The following SNTG2 variants were observed in gnomAD, a reference collection of about 807,000 sequenced individuals.
The protein encoded by SNTG2 is syntrophin gamma 2, also known as gamma-2-syntrophin.
SNTG2 carries 74 observed loss-of-function variants against 70.9 expected under a neutral mutation model. The observed-to-expected ratio is 1.04, with a 90% CI of 0.86 to 1.27. The LOEUF (loss-of-function observed/expected upper bound fraction) is 1.27. Among genes scored for constraint, SNTG2 ranks in the 50% most tolerant of loss-of-function variants. The pLI is 0.00. For missense variants in SNTG2, 717 were observed against 690.7 expected (o/e 1.04, Z -0.43); for synonymous variants, 278 against 273.8 (o/e 1.02, Z -0.15).
intron 6 of SNTG2, among the ~76,000 whole-genome samples, chr2:1,164,267 G>A (rs1187147853): frequency 6.7e-6 from 1 of 148,324 alleles, no homozygotes; most frequent in African/African-American, 2.5e-5. Context: ...GTAGGAACCT[G>A]CCCAAACTGT....
chr2:1,085,155 C>T (rs949422094), intron 2 of SNTG2, among the ~76,000 whole-genome samples: 1 of 152,196 alleles, frequency 6.6e-6, no homozygotes, highest in East Asian at 1.9e-4. Flanking sequence ...TTTTCCTCCA[C>T]TTGTTCTAAA....
chr2:1,117,609 C>A (rs2148278439), intron 4 of SNTG2, among the ~76,000 whole-genome samples: 1 of 152,244 alleles, frequency 6.6e-6, no homozygotes, highest in South Asian at 2.1e-4. Context: ...GGAATCAGAA[C>A]CGAGGCGGAG....
At chr2:1,067,169 ATGT>A (rs1487769665) in intron 1 of SNTG2, among the ~76,000 whole-genome samples, 2 of 152,180 alleles carry the variant, frequency 1.3e-5, no homozygotes, top group Non-Finnish European at 2.9e-5. Context: ...GCGCACTAAA[ATGT>A]TGTGTAACAT....
chr2:1,024,716 C>T (rs1041215726), intron 1 of SNTG2, among the ~76,000 whole-genome samples: 3 of 151,986 alleles, frequency 2.0e-5, no homozygotes, highest in African/African-American at 7.3e-5. Flanking sequence ...AATTTACCTG[C>T]AATAATGAAA....
intron 7 of SNTG2, among the ~76,000 whole-genome samples, chr2:1,172,753 C>T (rs1558489463): frequency 6.6e-6 from 1 of 152,198 alleles, no homozygotes; most frequent in Non-Finnish European, 1.5e-5. Context: ...ACTGCAATCA[C>T]AGAAGGCGCC....
At position 1,233,923 on chromosome 2, in the gene SNTG2, G is replaced by T. The variant is rs1038003657; in HGVS notation, c.720-3965G>T. ...CTCGGTGGACCCCGGGGTGCCAAGC[G>T]CTCTGCCTTCACTTGGTGTGGCTTT... On this transcript the variant is annotated intron_variant, in intron 9 of 16. Coordinates refer to ENST00000308624, the MANE Select transcript of SNTG2 (RefSeq NM_018968.4). 3.3e-5 allele frequency among the ~76,000 whole-genome samples: 5 copies of T among 151,626 alleles called. No homozygotes were observed. The South Asian group carries it at 6.3e-4, about 19-fold the overall frequency.
chr2:1,140,371 A>G (rs894951005), intron 6 of SNTG2, among the ~76,000 whole-genome samples: 1 of 152,352 alleles, frequency 6.6e-6, no homozygotes, highest in Admixed American at 6.5e-5. Flanking sequence ...AACTGTCCGT[A>G]TGTTCACTGG....
At chr2:1,044,833 A>C (rs1230301100) in intron 1 of SNTG2, among the ~76,000 whole-genome samples, 1 of 151,860 alleles carries the variant, frequency 6.6e-6, no homozygotes, top group Non-Finnish European at 1.5e-5. Context: ...TTTATCAGGG[A>C]TATTGGACTG....
At position 1,101,666 on chromosome 2, in the gene SNTG2, A is replaced by G. The variant is rs115778460; in HGVS notation, c.325+3256A>G. 3.6e-3 allele frequency among the ~76,000 whole-genome samples: 541 copies of G among 152,300 alleles called. 1 individual carries two copies. The highest frequency in any genetic ancestry group is 0.012 in the African/African-American group (516 of 41,580). On this transcript the variant is annotated intron_variant, in intron 4 of 16. Transcript: ENST00000308624. ...CCCAGGAGAGCATACCCTCTACCCCACGGAGCACAGCGCTGCCAGATAGGG... is the reference window on the plus strand; with the variant it reads ...CCCAGGAGAGCATACCCTCTACCCCGCGGAGCACAGCGCTGCCAGATAGGG...
At chr2:1,188,256 C>T (rs1672367668) in intron 8 of SNTG2, among the ~76,000 whole-genome samples, 1 of 151,248 alleles carries the variant, frequency 6.6e-6, no homozygotes, top group Admixed American at 6.6e-5. Context: ...ACATAGTTGA[C>T]CAGTAAAGAT....
At chr2:1,252,061 A>G (rs954822944) in intron 12 of SNTG2, among the ~76,000 whole-genome samples, 2 of 152,206 alleles carry the variant, frequency 1.3e-5, no homozygotes, top group African/African-American at 2.4e-5. Context: ...GGGTAGCCAT[A>G]GAAACTCTGG....
intron 1 of SNTG2, among the ~76,000 whole-genome samples, chr2:1,045,062 A>G (rs149052873): frequency 6.4e-4 from 97 of 152,006 alleles, no homozygotes; most frequent in African/African-American, 2.1e-3. Flanking sequence ...TAAGAATTCA[A>G]TTTTGGAAAC....
chr2:1,354,934 A>T (rs1405319257), intron 16 of SNTG2, among the ~76,000 whole-genome samples: 1 of 152,238 alleles, frequency 6.6e-6, no homozygotes, highest in Non-Finnish European at 1.5e-5. Flanking sequence ...GCCGGGCGGA[A>T]GTTCTCCCTG....
chr2:1,022,771 C>A (rs1170179643), intron 1 of SNTG2, among the ~76,000 whole-genome samples: 7 of 152,052 alleles, frequency 4.6e-5, no homozygotes, highest in African/African-American at 1.7e-4. Context: ...GTGAATTTTC[C>A]CTCTGTCATT....
At chr2:1,065,190 C>T (rs1663071151) in intron 1 of SNTG2, among the ~76,000 whole-genome samples, 2 of 152,066 alleles carry the variant, frequency 1.3e-5, no homozygotes, top group South Asian at 4.1e-4. Context: ...AGATCTGAGG[C>T]CCCTGCCCAC....
At chr2:1,289,631 A>T (rs1398969063) in intron 14 of SNTG2, among the ~76,000 whole-genome samples, 3 of 152,250 alleles carry the variant, frequency 2.0e-5, no homozygotes, top group African/African-American at 7.2e-5. Flanking sequence ...CCCTTATTTT[A>T]AAAATGTGGT....
intron 8 of SNTG2, among the ~76,000 whole-genome samples, chr2:1,183,520 A>G (rs1321918015): frequency 6.6e-6 from 1 of 152,192 alleles, no homozygotes; most frequent in East Asian, 1.9e-4. Flanking sequence ...TTCATGTCAT[A>G]TGCCTTCACC....
At chr2:1,203,684 ATATATATG>A (rs1572716686) in intron 8 of SNTG2, among the ~76,000 whole-genome samples, 69 of 145,252 alleles carry the variant, frequency 4.8e-4, no homozygotes, top group African/African-American at 1.3e-3. Flanking sequence ...ATATATATAT[ATATATATG>A]TGTGTGTGTG....
chr2:954,360 A>G (rs112689052), intron 1 of SNTG2, among the ~76,000 whole-genome samples: 6,231 of 151,710 alleles, frequency 0.041, 416 homozygotes, highest in African/African-American at 0.14. Context: ...TCAGAAACTC[A>G]CTCTTTAATT....
Sources: allele counts gnomAD v4.1 joint callset (sites outside exome capture counted in the v4.1 genomes callset), GRCh38; gene constraint gnomAD v4.1.1; transcripts MANE v1.5; gene names NCBI Gene and HGNC (gene_info 2026-07-23, HGNC 2026-07-21).